Variants in MALT1 observed in about 807,000 individuals in gnomAD.
MALT1 encodes mucosa-associated lymphoid tissue lymphoma translocation protein 1.
Under a neutral mutation model 85.5 loss-of-function variants are expected in MALT1, and 36 were observed. The observed-to-expected ratio is 0.42, with a 90% CI of 0.32 to 0.56. The LOEUF (loss-of-function observed/expected upper bound fraction) is 0.56. Ranked by LOEUF, MALT1 falls within the 20% of genes least tolerant of loss-of-function variation. The pLI, the probability that MALT1 is intolerant of heterozygous loss-of-function variation, is 0.10. For synonymous variants in MALT1, 359 were observed against 361.3 expected (o/e 0.99, Z 0.07); for missense variants, 716 against 981.6 (o/e 0.73, Z 3.62).
chr18:58,750,286 G>T lies in MALT1; in HGVS notation c.*2444G>T, dbSNP rs563677085. 1.2e-5 allele frequency: 2 copies of T among 161,582 alleles called. No individual in the cohort carries two copies. Among genetic ancestry groups the T allele is most frequent in the African/African-American group, 4.8e-5 (2 of 41,754 alleles). 10.0% of individuals were successfully genotyped at this position (161,582 alleles called of 1,614,324 possible). On this transcript the variant is annotated 3_prime_UTR_variant, in exon 17 of 17. Coordinates refer to ENST00000649217, the MANE Select transcript of MALT1 (RefSeq NM_006785.4). ...TCCAGATAAATGGAAAGACATCCAT[G>T]TTCATGGATTGGAAGACTGAATATT...
intron 10 of MALT1, among the ~76,000 whole-genome samples, chr18:58,724,587 G>A (rs1249904088): frequency 6.6e-6 from 1 of 152,184 alleles, no homozygotes; most frequent in Non-Finnish European, 1.5e-5. Flanking sequence ...GTGCCAACAT[G>A]ATGCCACAAG....
intron 2 of MALT1, among the ~76,000 whole-genome samples, chr18:58,694,070 A>G (rs1349409446): frequency 6.6e-6 from 1 of 152,166 alleles, no homozygotes; most frequent in Non-Finnish European, 1.5e-5. Context: ...CACCTTTCCT[A>G]CCAACATGTA....
chr18:58,672,052 AG>A (rs1382630732), intron 1 of MALT1, among the ~76,000 whole-genome samples, 200 bp downstream of exon 1: 1 of 152,110 alleles, frequency 6.6e-6, no homozygotes, highest in East Asian at 1.9e-4. Context: ...AGCGGGGCCC[AG>A]GGCTCTGGAG....
At chr18:58,733,325 G>A (rs1224243612) in intron 10 of MALT1, 72 bp from the exon 11 acceptor site, 10 of 979,862 alleles carry the variant, frequency 1.0e-5, no homozygotes, top group African/African-American at 1.6e-5. Context: ...TCTACAAAAA[G>A]TTATGCAGTC....
rs190489330 is a variant in MALT1 at position 58,748,382 on chromosome 18, A to T, written c.*540A>T. On this transcript the variant is annotated 3_prime_UTR_variant, in exon 17 of 17. Transcript: ENST00000649217. ...TTTGTAGATAGAGTGAAATATATTTATATATATATAAATATATACAGATAC... is the reference window on the plus strand; with the variant it reads ...TTTGTAGATAGAGTGAAATATATTTTTATATATATAAATATATACAGATAC... The T allele has an allele frequency of 2.0e-3, 364 of 179,982 alleles. 3 individuals carry two copies. The highest frequency in any genetic ancestry group is 0.011 in the South Asian group (54 of 5,064). 11.1% of individuals were successfully genotyped at this position (179,982 alleles called of 1,614,324 possible).
chr18:58,673,535 A>C (rs912030574), intron 1 of MALT1, among the ~76,000 whole-genome samples: 5 of 151,790 alleles, frequency 3.3e-5, no homozygotes, highest in Non-Finnish European at 7.4e-5. Context: ...GCTCACTACA[A>C]CCTCCGCCTC....
intron 10 of MALT1, among the ~76,000 whole-genome samples, chr18:58,728,515 G>A (rs1444865728): frequency 6.6e-6 from 1 of 152,142 alleles, no homozygotes; most frequent in African/African-American, 2.4e-5. Flanking sequence ...TAAGGTGGGA[G>A]GATAGCTTGA....
At chr18:58,707,678 C>CAA (rs1398431631) in intron 4 of MALT1, among the ~76,000 whole-genome samples, 1 of 152,120 alleles carries the variant, frequency 6.6e-6, no homozygotes, top group East Asian at 1.9e-4. Context: ...ATAGCATTAA[C>CAA]ATATGAGATT....
chr18:58,723,025 C>T (rs746829332), intron 9 of MALT1, 23 bp from the exon 10 acceptor site: 2 of 1,568,526 alleles, frequency 1.3e-6, no homozygotes, highest in African/African-American at 1.4e-5. Context: ...TCTTTAAACA[C>T]CCCCTTTCTT....
intron 16 of MALT1, among the ~76,000 whole-genome samples, chr18:58,746,223 T>C (rs954018027): frequency 6.6e-6 from 1 of 152,174 alleles, no homozygotes; most frequent in Admixed American, 6.5e-5. Context: ...TCTCACTATA[T>C]TGCCCAGGCC....
intron 4 of MALT1, among the ~76,000 whole-genome samples, chr18:58,704,935 G>A (rs909960575): frequency 6.6e-6 from 1 of 151,648 alleles, no homozygotes; most frequent in African/African-American, 2.4e-5. Context: ...TTATGTTTAA[G>A]TCTGACATCT....
intron 9 of MALT1, among the ~76,000 whole-genome samples, chr18:58,718,055 GTTTAA>G (rs749914896): frequency 1.1e-4 from 16 of 152,280 alleles, no homozygotes; most frequent in Non-Finnish European, 1.5e-4. Flanking sequence ...CTAGTGAAAT[GTTTAA>G]TTTAACCCTG....
chr18:58,744,071 G>A (rs2055335715), intron 14 of MALT1, among the ~76,000 whole-genome samples: 3 of 140,836 alleles, frequency 2.1e-5, no homozygotes, highest in African/African-American at 7.7e-5. Context: ...TGAGGCAACA[G>A]TGAAAATTTA....
At chr18:58,678,609 T>C (rs2054275183) in intron 1 of MALT1, among the ~76,000 whole-genome samples, 1 of 152,132 alleles carries the variant, frequency 6.6e-6, no homozygotes, top group Non-Finnish European at 1.5e-5. Flanking sequence ...AGATAAAACA[T>C]GAAACAAGTC....
chr18:58,695,929 CG>C (rs1212620467), intron 2 of MALT1, among the ~76,000 whole-genome samples: 1 of 152,176 alleles, frequency 6.6e-6, no homozygotes, highest in Non-Finnish European at 1.5e-5. Context: ...TAACAGTGCA[CG>C]TAACTTGACT....
In MALT1 at chr18:58,734,352, C is replaced by T; in HGVS notation, c.1446C>T (p.Val482=). 1 of 1,613,736 alleles carries T rather than the reference C, an allele frequency of 6.2e-7. No homozygotes were observed. Among genetic ancestry groups the T allele is most frequent in the Non-Finnish European group, 8.5e-7 (1 of 1,179,642 alleles). The stretch of plus-strand genomic sequence containing the variant: ...TTCCAATCTTGGATGCACTAAAAGT[C>T]ACCGCCAATATTGTGTTTGGATATG... ...DTIPILDALK[V]TANIVFGYAT... Residue 482 remains valine, a synonymous_variant, in exon 12 of 17, where the codon GTC becomes GTT. Transcript: ENST00000649217.
At chr18:58,681,021 G>T (rs2054314759) in intron 1 of MALT1, 149 bp from the exon 2 acceptor site, 1 of 524,522 alleles carries the variant, frequency 1.9e-6, no homozygotes, top group Admixed American at 3.6e-5. Flanking sequence ...GAGGAGGAAA[G>T]GATACTCGCA....
intron 2 of MALT1, chr18:58,690,474 C>A: frequency 5.9e-6 from 1 of 168,462 alleles, no homozygotes; most frequent in South Asian, 1.6e-4. Flanking sequence ...ATGTGGAAGC[C>A]AGAGCCTCCT....
chr18:58,675,644 G>A (rs570811744), intron 1 of MALT1, among the ~76,000 whole-genome samples: 1 of 152,240 alleles, frequency 6.6e-6, no homozygotes, highest in South Asian at 2.1e-4. Context: ...ATTGATTTAG[G>A]TATTGTCAAC....
Sources: allele counts gnomAD v4.1 joint callset (sites outside exome capture counted in the v4.1 genomes callset), GRCh38; gene constraint gnomAD v4.1.1; transcripts MANE v1.5; gene names NCBI Gene and HGNC (gene_info 2026-07-23, HGNC 2026-07-21).